The following CIROP variants were observed in gnomAD, a reference collection of about 807,000 sequenced individuals.
CIROP encodes ciliated left-right organizer metallopeptidase, also known as leishmanolysin homolog.
At chr14:23,100,731 A>G in the CIROP span, 4 of 398,742 alleles carry the variant, frequency 1.0e-5, no homozygotes, top group Non-Finnish European at 1.8e-5. Flanking sequence ...CTGGCAGAGT[A>G]TATCTCATGA....
At chr14:23,099,090 C>A in the CIROP span, 1 of 397,990 alleles carries the variant, frequency 2.5e-6, no homozygotes, top group Non-Finnish European at 4.6e-6. Flanking sequence ...TATTTTTGTA[C>A]CAAAATAAAG....
chr14:23,104,738 G>A, the CIROP span: 1 of 703,004 alleles, frequency 1.4e-6, no homozygotes, highest in South Asian at 1.5e-5. Flanking sequence ...GGATTCGTAG[G>A]GGTTGAGGAT....
the CIROP span, chr14:23,103,772 C>A: frequency 2.8e-6 from 2 of 702,778 alleles, no homozygotes; most frequent in Non-Finnish European, 2.6e-6. Flanking sequence ...TTGTGGGGGA[C>A]CCTGCTCCGG....
the CIROP span, chr14:23,101,789 G>A: frequency 1.4e-6 from 1 of 702,862 alleles, no homozygotes; most frequent in South Asian, 1.5e-5. Context: ...ATGGTAGAGT[G>A]ACACTAGAAT....
At chr14:23,103,790 G>C in the CIROP span, 1 of 702,934 alleles carries the variant, frequency 1.4e-6, no homozygotes, top group Non-Finnish European at 2.6e-6. Context: ...CGGCCACAAG[G>C]CATAACCGCG....
At chr14:23,101,049 G>C in the CIROP span, 1 of 399,468 alleles carries the variant, frequency 2.5e-6, no homozygotes, top group East Asian at 3.6e-5. Context: ...CGACCCCGGG[G>C]ACAGAAGAGA....
chr14:23,104,395 T>C, the CIROP span: 1 of 702,948 alleles, frequency 1.4e-6, no homozygotes, highest in Non-Finnish European at 2.6e-6. Context: ...CTGTGGTAGT[T>C]TGGGCTATCT....
chr14:23,104,265 C>T, the CIROP span: 15 of 679,032 alleles, frequency 2.2e-5, no homozygotes, highest in Non-Finnish European at 3.5e-5. Flanking sequence ...GCAACTCTCT[C>T]CTTTGTATCC....
the CIROP span, chr14:23,101,768 G>C: frequency 2.8e-6 from 2 of 702,834 alleles, no homozygotes; most frequent in Admixed American, 4.0e-5. Context: ...CCAGCCCACT[G>C]TGTGGAATGG....
At chr14:23,102,100 CA>C in the CIROP span, 2 of 703,070 alleles carry the variant, frequency 2.8e-6, no homozygotes, top group Non-Finnish European at 2.6e-6. Flanking sequence ...ACCCTGGCCC[CA>C]CAACAGCTCC....
the CIROP span, chr14:23,100,556 T>C: frequency 0.053 from 21,804 of 409,350 alleles, 716 homozygotes; most frequent in East Asian, 0.11. Flanking sequence ...TAGGGGTTTT[T>C]TCTGGAGAGT....
At chr14:23,104,190 C>A in the CIROP span, 2 of 606,200 alleles carry the variant, frequency 3.3e-6, no homozygotes, top group Non-Finnish European at 5.9e-6. Flanking sequence ...CTCTGCGTAT[C>A]CCCCCACCAC....
the CIROP span, chr14:23,103,507 T>C: frequency 1.6e-5 from 9 of 571,648 alleles, no homozygotes; most frequent in Non-Finnish European, 2.8e-5. Flanking sequence ...TGAGCTGTGA[T>C]TGGGCCGCTG....
chr14:23,104,712 C>T, the CIROP span: 3,476 of 702,934 alleles, frequency 4.9e-3, 30 homozygotes, highest in Non-Finnish European at 5.3e-3. Context: ...TATATGATCT[C>T]CTAGATAGCA....
the CIROP span, chr14:23,100,581 T>C: frequency 1.7e-5 from 7 of 404,508 alleles, no homozygotes; most frequent in African/African-American, 1.2e-4. Flanking sequence ...GTCAGGGCCT[T>C]GTGCAGTGTA....
chr14:23,100,213 C>G, the CIROP span: 1 of 254,766 alleles, frequency 3.9e-6, no homozygotes, highest in Admixed American at 5.6e-5. Flanking sequence ...TGAGATCACC[C>G]CACTGCATTC....
the CIROP span, chr14:23,102,212 T>A: frequency 1.4e-6 from 1 of 702,776 alleles, no homozygotes; most frequent in Non-Finnish European, 2.6e-6. Flanking sequence ...AAGGTAGCAG[T>A]CATTAAAGAA....
At chr14:23,099,556 C>A in the CIROP span, 3 of 337,866 alleles carry the variant, frequency 8.9e-6, no homozygotes, top group Non-Finnish European at 1.6e-5. Context: ...AGCGGCATTA[C>A]CTTTTTTTTT....
chr14:23,102,058 G>T, the CIROP span: 11 of 701,930 alleles, frequency 1.6e-5, no homozygotes, highest in Non-Finnish European at 2.9e-5. Context: ...CTTGGGTCAT[G>T]AGTGCCTCTC....
Sources: allele counts gnomAD v4.1 joint callset, GRCh38; gene constraint gnomAD v4.1.1; transcripts MANE v1.5; gene names NCBI Gene and HGNC (gene_info 2026-07-23, HGNC 2026-07-21).